RABGAP1L: variants seen among roughly 807,000 people sequenced by gnomAD.
The protein encoded by RABGAP1L is RAB GTPase activating protein 1 like.
A neutral mutation model predicts 137.7 loss-of-function variants in RABGAP1L; 63 were observed. That is an observed-to-expected ratio of 0.46 (90% CI 0.37 to 0.56). RABGAP1L has a LOEUF of 0.56. Ranked by LOEUF, RABGAP1L falls within the 20% of genes least tolerant of loss-of-function variation. The pLI is 0.00. For synonymous variants in RABGAP1L, 431 were observed against 433.7 expected (o/e 0.99, Z 0.08); for missense variants, 1,095 against 1,244.0 (o/e 0.88, Z 1.80).
intron 19 of RABGAP1L, among the ~76,000 whole-genome samples, chr1:174,899,462 C>T (rs1657777670): frequency 6.6e-6 from 1 of 152,100 alleles, no homozygotes; most frequent in African/African-American, 2.4e-5. Flanking sequence ...AACATTAGGC[C>T]AATTATTTAA....
chr1:174,408,328 G>GT (rs960145696), intron 13 of RABGAP1L, among the ~76,000 whole-genome samples: 50 of 152,164 alleles, frequency 3.3e-4, no homozygotes, highest in South Asian at 8.3e-4. Context: ...TTGGTTTTCT[G>GT]TTTTTTTGTT....
chr1:174,892,489 A>G (rs1656352413), intron 19 of RABGAP1L: 1 of 474,596 alleles, frequency 2.1e-6, no homozygotes, highest in African/African-American at 2.0e-5. Context: ...CTTCTTTTCT[A>G]CTTTGTAAGT....
intron 13 of RABGAP1L, among the ~76,000 whole-genome samples, chr1:174,476,196 A>G (rs1202188259): frequency 6.6e-6 from 1 of 152,194 alleles, no homozygotes; most frequent in Non-Finnish European, 1.5e-5. Flanking sequence ...TCTAACCTTT[A>G]GCATTCTGAG....
intron 19 of RABGAP1L, chr1:174,893,266 TG>T (rs1363034714): frequency 1.3e-5 from 2 of 152,636 alleles, no homozygotes; most frequent in East Asian, 3.8e-4. Flanking sequence ...TAATTATAAA[TG>T]TTTTAAAAAC....
rs1369993800 is a variant in RABGAP1L at position 174,989,782 on chromosome 1, CTTTTA to C, written c.3004-63_3004-59del. Reference sequence around the variant, plus strand: ...CCTTGAGACTCCAAAAAGCTGCACACTTTTATTTATTTATTGGCAAAGAGAAAACA... The same window carrying C: ...CCTTGAGACTCCAAAAAGCTGCACACTTTATTTATTGGCAAAGAGAAAACA... On this transcript the variant is annotated intron_variant, in intron 25 of 25. Transcript: ENST00000681986. 64 of 1,504,452 alleles carry C rather than the reference CTTTTA, an allele frequency of 4.3e-5. No homozygotes were observed. The South Asian group carries it at 6.5e-4, about 15-fold the overall frequency. The allele number at this position is 1,504,452 out of a possible 1,614,324, so 93.2% of individuals were successfully genotyped here.
intron 1 of RABGAP1L, among the ~76,000 whole-genome samples, chr1:174,163,933 A>G (rs1210842499): frequency 1.3e-5 from 2 of 152,180 alleles, no homozygotes; most frequent in Non-Finnish European, 2.9e-5. Context: ...TGGAAGTCTC[A>G]TTGAGGGATG....
intron 13 of RABGAP1L, among the ~76,000 whole-genome samples, chr1:174,523,711 A>G (rs1452851861): frequency 6.6e-6 from 1 of 152,162 alleles, no homozygotes; most frequent in Non-Finnish European, 1.5e-5. Flanking sequence ...GTAGTCTAAT[A>G]TCTAGTGTTA....
chr1:174,358,663 G>A (rs1683861525), intron 11 of RABGAP1L, among the ~76,000 whole-genome samples: 1 of 152,106 alleles, frequency 6.6e-6, no homozygotes, highest in South Asian at 2.1e-4. Flanking sequence ...TTGTCTGTTG[G>A]ATAGGGGTAT....
intron 19 of RABGAP1L, among the ~76,000 whole-genome samples, chr1:174,951,855 G>C (rs183578340): frequency 1.3e-5 from 2 of 152,232 alleles, no homozygotes; most frequent in East Asian, 1.9e-4. Flanking sequence ...ATCTTACCTT[G>C]AGAAACACTG....
At chr1:174,774,713 C>T (rs1397965609) in intron 18 of RABGAP1L, among the ~76,000 whole-genome samples, 2 of 152,044 alleles carry the variant, frequency 1.3e-5, no homozygotes, top group Admixed American at 1.3e-4. Flanking sequence ...GACCTCATCT[C>T]TCCAAAAAAT....
chr1:174,434,624 A>G (rs1375975681), intron 13 of RABGAP1L, among the ~76,000 whole-genome samples: 1 of 152,196 alleles, frequency 6.6e-6, no homozygotes, highest in East Asian at 1.9e-4. Flanking sequence ...TATCCCTACC[A>G]ACATTGTACT....
At chr1:174,571,553 C>A (rs1403700730) in intron 13 of RABGAP1L, among the ~76,000 whole-genome samples, 1 of 151,894 alleles carries the variant, frequency 6.6e-6, no homozygotes, top group Non-Finnish European at 1.5e-5. Context: ...TATACACCTA[C>A]TGTGTACCCA....
At chr1:174,741,329 A>G in intron 17 of RABGAP1L, among the ~76,000 whole-genome samples, 1 of 151,928 alleles carries the variant, frequency 6.6e-6, no homozygotes, top group East Asian at 1.9e-4. Flanking sequence ...TTTATTGAAG[A>G]GATTGTCCTT....
intron 1 of RABGAP1L, among the ~76,000 whole-genome samples, chr1:174,169,170 A>G (rs1297003226): frequency 1.3e-5 from 2 of 152,206 alleles, no homozygotes; most frequent in East Asian, 1.9e-4. Context: ...CTCCTGTTGC[A>G]GTTGGTATCA....
intron 19 of RABGAP1L, among the ~76,000 whole-genome samples, chr1:174,877,840 T>G (rs1363029547): frequency 6.6e-6 from 1 of 152,166 alleles, no homozygotes; most frequent in Admixed American, 6.5e-5. Flanking sequence ...AAATATCACT[T>G]TGTCTTAAGT....
At chr1:174,987,632 G>GGACA (rs1437529881) in intron 24 of RABGAP1L, among the ~76,000 whole-genome samples, 4 of 152,122 alleles carry the variant, frequency 2.6e-5, no homozygotes, top group Non-Finnish European at 5.9e-5. Context: ...GCACGGTGAT[G>GGACA]GACACATTGA....
intron 13 of RABGAP1L, among the ~76,000 whole-genome samples, chr1:174,543,117 G>A (rs1665632582): frequency 6.6e-6 from 1 of 152,246 alleles, no homozygotes; most frequent in South Asian, 2.1e-4. Flanking sequence ...GATCTGGTTG[G>A]TGCAGAGCTG....
At chr1:174,759,024 T>TA (rs1328541307) in intron 18 of RABGAP1L, among the ~76,000 whole-genome samples, 4 of 152,116 alleles carry the variant, frequency 2.6e-5, no homozygotes, top group Non-Finnish European at 4.4e-5. Context: ...TAGGTAGCTT[T>TA]TAGGCCACCA....
intron 1 of RABGAP1L, among the ~76,000 whole-genome samples, chr1:174,201,230 C>CA (rs1668072014): frequency 6.6e-6 from 1 of 151,656 alleles, no homozygotes; most frequent in Admixed American, 6.6e-5. Flanking sequence ...GTTGAAATTA[C>CA]AGGTGTGAGC....
Sources: allele counts gnomAD v4.1 joint callset (sites outside exome capture counted in the v4.1 genomes callset), GRCh38; gene constraint gnomAD v4.1.1; transcripts MANE v1.5; gene names NCBI Gene and HGNC (gene_info 2026-07-23, HGNC 2026-07-21).